Variants in KCNN2 observed in about 807,000 individuals in gnomAD.
The protein encoded by KCNN2 is small conductance calcium-activated potassium channel protein 2.
A neutral mutation model predicts 55.5 loss-of-function variants in KCNN2; 24 were observed. That is an observed-to-expected ratio of 0.43 (90% CI 0.31 to 0.61). KCNN2 has a LOEUF of 0.61. KCNN2 is among the 20% of genes least tolerant of loss of function. The pLI is 0.08. For missense variants in KCNN2, 754 were observed against 853.6 expected, an observed-to-expected ratio of 0.88 and a Z score of 1.45; for synonymous variants, 431 against 336.1, an observed-to-expected ratio of 1.28 and a Z score of -3.09.
intron 1 of KCNN2, among the ~76,000 whole-genome samples, chr5:114,131,056 T>C (rs1340821519): frequency 1.3e-5 from 2 of 152,184 alleles, no homozygotes; most frequent in African/African-American, 2.4e-5. Flanking sequence ...CTGACAGCGT[T>C]CTTTTTTTTT....
chr5:114,261,603 T>C (rs1305708237), intron 2 of KCNN2, among the ~76,000 whole-genome samples: 1 of 152,190 alleles, frequency 6.6e-6, no homozygotes, highest in Non-Finnish European at 1.5e-5. Flanking sequence ...TGTTTGTACC[T>C]ATGGGTAGAA....
At chr5:114,163,048 G>A (rs1272131673) in intron 1 of KCNN2, among the ~76,000 whole-genome samples, 1 of 152,096 alleles carries the variant, frequency 6.6e-6, no homozygotes, top group African/African-American at 2.4e-5. Context: ...AGATGAACCG[G>A]GTACCTCATT....
intron 1 of KCNN2, among the ~76,000 whole-genome samples, chr5:114,210,025 C>G (rs1223290851): frequency 6.6e-6 from 1 of 152,112 alleles, no homozygotes; most frequent in African/African-American, 2.4e-5. Context: ...TAGCTGGGGT[C>G]AAACAAGGTG....
intron 3 of KCNN2, among the ~76,000 whole-genome samples, chr5:114,405,400 A>G (rs949516246): frequency 1.3e-5 from 2 of 152,216 alleles, no homozygotes; most frequent in African/African-American, 4.8e-5. Context: ...AGAACAGGCA[A>G]TGTGTATTTG....
chr5:114,205,813 A>G (rs932681297), intron 1 of KCNN2, among the ~76,000 whole-genome samples: 1 of 152,234 alleles, frequency 6.6e-6, no homozygotes, highest in South Asian at 2.1e-4. Context: ...TGTCTTTAGC[A>G]TATTAAAAAC....
At chr5:114,085,248 T>C (rs1750990454) in intron 1 of KCNN2, among the ~76,000 whole-genome samples, 1 of 151,990 alleles carries the variant, frequency 6.6e-6, no homozygotes, top group Admixed American at 6.6e-5. Flanking sequence ...TATTGATTTC[T>C]ACAAAGCAGC....
chr5:114,182,923 A>G (rs1753266745), intron 1 of KCNN2, among the ~76,000 whole-genome samples: 1 of 152,086 alleles, frequency 6.6e-6, no homozygotes, highest in Admixed American at 6.5e-5. Flanking sequence ...TTTGAGAGTG[A>G]ATATCATTAC....
At chr5:114,363,818 C>T (rs1282323237) in intron 1 of KCNN2, 88 bp from the exon 2 acceptor site, 2 of 888,258 alleles carry the variant, frequency 2.3e-6, no homozygotes, top group Admixed American at 1.8e-5. Context: ...TTCAGGTCCA[C>T]CTGTGGGGGA....
Position 114,085,066 on chromosome 5 carries a change from A to G in KCNN2, c.-271+28566A>G, listed in dbSNP as rs202183829. 1.8e-4 allele frequency among the ~76,000 whole-genome samples: 24 copies of G among 133,906 alleles called. 1 individual carries two copies. Among genetic ancestry groups the G allele is most frequent in the African/African-American group, 6.1e-4 (23 of 37,414 alleles). 87.8% of individuals were successfully genotyped at this position (133,906 alleles called of 152,430 possible). On this transcript the variant is annotated intron_variant, in intron 1 of 10. Transcript: ENST00000512097. ...TATATATAGAGACATATATATATAT[A>G]TATGTGTGTGTCTATTCTTTAGCTA...
At chr5:114,226,806 C>A (rs1754245341) in intron 2 of KCNN2, among the ~76,000 whole-genome samples, 1 of 148,576 alleles carries the variant, frequency 6.7e-6, no homozygotes, top group African/African-American at 2.5e-5. Flanking sequence ...GAGGCTGAGG[C>A]AGGAGAATCC....
chr5:114,211,091 G>A (rs1287549084), intron 1 of KCNN2, among the ~76,000 whole-genome samples: 2 of 152,074 alleles, frequency 1.3e-5, no homozygotes, highest in East Asian at 3.8e-4. Context: ...GAGAAAAGTG[G>A]ACACTTATTC....
chr5:114,193,976 A>G (rs1195177376), intron 1 of KCNN2, among the ~76,000 whole-genome samples: 1 of 152,136 alleles, frequency 6.6e-6, no homozygotes, highest in Non-Finnish European at 1.5e-5. Context: ...ACCACAATAT[A>G]ATTTTAGAGC....
chr5:114,347,971 C>A (rs1167392109), intron 2 of KCNN2, among the ~76,000 whole-genome samples: 3 of 152,098 alleles, frequency 2.0e-5, no homozygotes, highest in Admixed American at 6.6e-5. Context: ...ATTACAGCCA[C>A]CTGTTAATAT....
chr5:114,147,101 A>G (rs973332051), intron 1 of KCNN2, among the ~76,000 whole-genome samples: 1 of 152,188 alleles, frequency 6.6e-6, no homozygotes, highest in Non-Finnish European at 1.5e-5. Flanking sequence ...AAGTGTATGG[A>G]GTAGAAATGA....
At chr5:114,097,030 T>A (rs1434768649) in intron 1 of KCNN2, among the ~76,000 whole-genome samples, 1 of 152,166 alleles carries the variant, frequency 6.6e-6, no homozygotes, top group Non-Finnish European at 1.5e-5. Flanking sequence ...GAGCAGAGAT[T>A]TGAACCCAGA....
chr5:114,230,466 A>G lies in KCNN2; in HGVS notation c.-185+8901A>G, dbSNP rs566415792. ...ACCCCACCACAGTCCCCAGAGTGTG[A>G]TATTCCCCTTCATGTGTCCATGTGA... is the stretch of plus-strand genomic sequence containing the variant. On this transcript the variant is annotated intron_variant, in intron 2 of 10. Transcript: ENST00000512097. Among the ~76,000 whole-genome samples, 6 of 116,006 alleles carry G rather than the reference A, an allele frequency of 5.2e-5. No individual in the cohort carries two copies. In the South Asian group the frequency reaches 1.8e-3, roughly 35 times the overall value. 76.1% of individuals were successfully genotyped at this position (116,006 alleles called of 152,430 possible). A position where few individuals can be genotyped will look rare whatever the true frequency, so the allele number is the denominator to read the frequency against.
intron 1 of KCNN2, among the ~76,000 whole-genome samples, chr5:114,160,447 G>A (rs1752746007): frequency 2.0e-5 from 3 of 152,164 alleles, no homozygotes; most frequent in African/African-American, 7.2e-5. Context: ...TTTGGAATAG[G>A]TGTGGTCTGG....
chr5:114,338,335 A>G (rs1371015095), intron 2 of KCNN2, among the ~76,000 whole-genome samples: 1 of 152,218 alleles, frequency 6.6e-6, no homozygotes. Context: ...ATGTACACGT[A>G]TGTAGGGACA....
At chr5:114,109,261 A>G (rs75839482) in intron 1 of KCNN2, among the ~76,000 whole-genome samples, 7,006 of 152,136 alleles carry the variant, frequency 0.046, 537 homozygotes, top group African/African-American at 0.16. Flanking sequence ...CTTTCTCTAT[A>G]GGGCAGCTTT....
Sources: gnomAD v4.1 joint callset for allele counts (sites outside exome capture counted in the v4.1 genomes callset) on GRCh38, gnomAD v4.1.1 for gene constraint, MANE v1.5 for transcripts, NCBI Gene and HGNC (gene_info 2026-07-23, HGNC 2026-07-21) for gene names.